KCNQ1OT1: variants seen among roughly 807,000 people sequenced by gnomAD.
KCNQ1OT1 encodes the protein KCNQ1 antisense RNA 2 (non-protein coding).
In KCNQ1OT1 at chr11:2,612,553, GTTA is replaced by G. The variant is rs1388825054; in HGVS notation, n.87439_87441del. ...CCGCACTAGTGAGTTTTTCACCTAAGTTATTATATTTCACAACTACAGAATTTC... is the reference window on the plus strand; with the variant it reads ...CCGCACTAGTGAGTTTTTCACCTAAGTTATATTTCACAACTACAGAATTTC... On this transcript the variant is annotated non_coding_transcript_exon_variant, in exon 1 of 1. Transcript: ENST00000597346. The surrounding 1 kb of genome is among the most constrained non-coding windows in gnomAD (Gnocchi z 5.5). The G allele has an allele frequency of 1.3e-5, 5 of 398,534 alleles. No individual in the cohort carries two copies. The highest frequency in any genetic ancestry group is 2.1e-5 in the African/African-American group (1 of 48,748). The allele number at this position is 398,534 out of a possible 1,614,324, so 24.7% of individuals were successfully genotyped here.
chr11:2,690,501 T>C lies in KCNQ1OT1; in HGVS notation n.9494A>G. The C allele has an allele frequency of 2.5e-6, 1 of 398,064 alleles. No individual in the cohort carries two copies. Among genetic ancestry groups the C allele is most frequent in the Non-Finnish European group, 4.4e-6 (1 of 225,940 alleles). 24.7% of individuals were successfully genotyped at this position (398,064 alleles called of 1,614,324 possible). On this transcript the variant is annotated non_coding_transcript_exon_variant, in exon 1 of 1. Transcript: ENST00000597346. The surrounding 1 kb of genome is among the most constrained non-coding windows in gnomAD (Gnocchi z 5.1). ...CAGCCACTGGGCCCAGTCGGGGGGG[T>C]CTCAGCACCTATCACAAAGAAAGTG... is the stretch of plus-strand genomic sequence containing the variant.
rs775006096 is a variant in KCNQ1OT1, at chr11:2,627,901, C to T, written n.72094G>A. The T allele has an allele frequency of 5.0e-6, 2 of 398,482 alleles. No homozygotes were observed. Among genetic ancestry groups the T allele is most frequent in the Non-Finnish European group, 8.8e-6 (2 of 226,126 alleles). 24.7% of individuals were successfully genotyped at this position (398,482 alleles called of 1,614,324 possible). On this transcript the variant is annotated non_coding_transcript_exon_variant, in exon 1 of 1. Transcript: ENST00000597346. This position sits in a 1 kb window ranked among gnomAD's most constrained non-coding sequence, Gnocchi z 4.9. ...GAGTAGCTGGGACCACAGTCATGCACCCCCATGCCCAGCTAATTTTTAAAA... is the reference window on the plus strand; with the variant it reads ...GAGTAGCTGGGACCACAGTCATGCATCCCCATGCCCAGCTAATTTTTAAAA...
chr11:2,637,148 A>C (rs554155518), exon 1 of KCNQ1OT1: 2 of 152,036 alleles, frequency 1.3e-5, no homozygotes, highest in East Asian at 3.9e-4. Flanking sequence ...GGATTCATTG[A>C]TTTTTTGAAG....
exon 1 of KCNQ1OT1, chr11:2,655,491 A>G (rs1018941666): frequency 2.5e-6 from 1 of 398,650 alleles, no homozygotes; most frequent in Non-Finnish European, 4.4e-6. Context: ...GAGCCTGGAT[A>G]TCCAGATGAA....
chr11:2,688,316 G>T (rs1564858639), exon 1 of KCNQ1OT1: 1 of 398,768 alleles, frequency 2.5e-6, no homozygotes, highest in East Asian at 3.6e-5. Context: ...ATCTAAGCAC[G>T]TCACACACAC....
chr11:2,646,452 A>G (rs976411604), exon 1 of KCNQ1OT1: 9 of 398,374 alleles, frequency 2.3e-5, no homozygotes, highest in Admixed American at 4.4e-5. Flanking sequence ...TTTTGTAGCT[A>G]TTGCAAATGG....
At chr11:2,639,385 G>T (rs555348228) in exon 1 of KCNQ1OT1, 23 of 152,210 alleles carry the variant, frequency 1.5e-4, no homozygotes, top group African/African-American at 5.3e-4. Context: ...TATAGATGGA[G>T]TTTTGGTGTG....
chr11:2,681,491 C>G, exon 1 of KCNQ1OT1: 1 of 398,474 alleles, frequency 2.5e-6, no homozygotes, highest in East Asian at 3.6e-5. Flanking sequence ...AGAAATGGGA[C>G]TTAGTAAAGT....
chr11:2,623,001 C>A lies in KCNQ1OT1; in HGVS notation n.76994G>T. The A allele has an allele frequency of 2.5e-6, 1 of 398,654 alleles. No individual in the cohort carries two copies. The highest frequency in any genetic ancestry group is 3.6e-5 in the East Asian group (1 of 28,080). 24.7% of individuals were successfully genotyped at this position (398,654 alleles called of 1,614,324 possible). On this transcript the variant is annotated non_coding_transcript_exon_variant, in exon 1 of 1. Transcript: ENST00000597346. This position sits in a 1 kb window ranked among gnomAD's most constrained non-coding sequence, Gnocchi z 5.2. ...CTCTGTGTTCCCACCCAAATCTCAT[C>A]TTGAACTGTAATCCCCATGTGTCAG...
exon 1 of KCNQ1OT1, chr11:2,655,225 C>G (rs1182766762): frequency 7.5e-6 from 3 of 398,476 alleles, no homozygotes; most frequent in Non-Finnish European, 1.3e-5. Flanking sequence ...GTCGCCACGC[C>G]CGAGGCTGCC....
At chr11:2,686,224 C>T (rs905654981) in exon 1 of KCNQ1OT1, 1 of 398,778 alleles carries the variant, frequency 2.5e-6, no homozygotes. Context: ...GCTGTGTGAC[C>T]TTTAGGCCTT....
chr11:2,619,619 T>C, exon 1 of KCNQ1OT1: 1 of 398,572 alleles, frequency 2.5e-6, no homozygotes, highest in Non-Finnish European at 4.4e-6. Context: ...TGTTGGCCTG[T>C]AGTTTCCTTT....
In KCNQ1OT1 at chr11:2,629,792, G is replaced by C. The variant is rs1229225257; in HGVS notation, n.70203C>G. On this transcript the variant is annotated non_coding_transcript_exon_variant, in exon 1 of 1. Coordinates refer to ENST00000597346, the Ensembl canonical transcript of KCNQ1OT1. ...TGATTTTGTATCCTGCCACTTTACT[G>C]AGTTAGATTATTACTTCTAACAGGT... 1.5e-5 allele frequency: 6 copies of C among 398,290 alleles called. No individual in the cohort carries two copies. In the East Asian group the frequency reaches 1.8e-4, roughly 12 times the overall value. 24.7% of individuals were successfully genotyped at this position (398,290 alleles called of 1,614,324 possible).
rs1850720343 is a variant in KCNQ1OT1, at chr11:2,698,760, T to C, written n.1235A>G. 1 of 398,758 alleles carries C rather than the reference T, an allele frequency of 2.5e-6. No individual in the cohort carries two copies. Among genetic ancestry groups the C allele is most frequent in the Non-Finnish European group, 4.4e-6 (1 of 226,148 alleles). The allele number at this position is 398,758 out of a possible 1,614,324, so 24.7% of individuals were successfully genotyped here. A position where few individuals can be genotyped will look rare whatever the true frequency, so the allele number is the denominator to read the frequency against. ...CTTGGATCTCAACTCAGAGCCATGATGCAGACTCCAGACCGGGATTCAGGT... is the reference window on the plus strand; with the variant it reads ...CTTGGATCTCAACTCAGAGCCATGACGCAGACTCCAGACCGGGATTCAGGT... On this transcript the variant is annotated non_coding_transcript_exon_variant, in exon 1 of 1. Coordinates refer to ENST00000597346, the Ensembl canonical transcript of KCNQ1OT1. The surrounding 1 kb of genome is among the most constrained non-coding windows in gnomAD (Gnocchi z 5.1).
In KCNQ1OT1 at chr11:2,620,943, G is replaced by C. The variant is rs1010427544; in HGVS notation, n.79052C>G. The C allele has an allele frequency of 3.3e-6, 1 of 306,666 alleles. No homozygotes were observed. The highest frequency in any genetic ancestry group is 4.2e-5 in the African/African-American group (1 of 24,068). The allele number at this position is 306,666 out of a possible 1,614,324, so 19.0% of individuals were successfully genotyped here. ...GGTGTTTTTTTGTTGTTGTTGTTTT[G>C]TTTTGTTTTTTTTTGTCTGTTTTTT... On this transcript the variant is annotated non_coding_transcript_exon_variant, in exon 1 of 1. Transcript: ENST00000597346. This position sits in a 1 kb window ranked among gnomAD's most constrained non-coding sequence, Gnocchi z 4.5.
rs1849814384 is a variant in KCNQ1OT1, at chr11:2,654,805, A to C, written n.45190T>G. 2.5e-6 allele frequency: 1 copy of C among 398,538 alleles called. No homozygotes were observed. The highest frequency in any genetic ancestry group is 4.4e-6 in the Non-Finnish European group (1 of 226,156). 24.7% of individuals were successfully genotyped at this position (398,538 alleles called of 1,614,324 possible). A position where few individuals can be genotyped will look rare whatever the true frequency, so the allele number is the denominator to read the frequency against. On this transcript the variant is annotated non_coding_transcript_exon_variant, in exon 1 of 1. Coordinates refer to ENST00000597346, the Ensembl canonical transcript of KCNQ1OT1. The surrounding 1 kb of genome is among the most constrained non-coding windows in gnomAD (Gnocchi z 6.4). ...GAATTTCTTGGGAACAGAAAGCCTC[A>C]AAGACTTTCATGATAGGAGAGCTCT...
At position 2,623,179 on chromosome 11, in the gene KCNQ1OT1, T is replaced by C. The variant is rs1291796484; in HGVS notation, n.76816A>G. The C allele has an allele frequency of 5.0e-6, 2 of 398,610 alleles. No homozygotes were observed. Among genetic ancestry groups the C allele is most frequent in the Non-Finnish European group, 8.8e-6 (2 of 226,182 alleles). The allele number at this position is 398,610 out of a possible 1,614,324, so 24.7% of individuals were successfully genotyped here. The stretch of plus-strand genomic sequence containing the variant: ...ATGGTAAAGATGTGCCTGCTTCTCC[T>C]TTGCCTTCCGCCATGATTTTAAGTT... On this transcript the variant is annotated non_coding_transcript_exon_variant, in exon 1 of 1. Transcript: ENST00000597346. The surrounding 1 kb of genome is among the most constrained non-coding windows in gnomAD (Gnocchi z 5.2).
chr11:2,629,844 C>T (rs1589991598), exon 1 of KCNQ1OT1: 2 of 397,688 alleles, frequency 5.0e-6, no homozygotes, highest in African/African-American at 4.1e-5. Flanking sequence ...GTAGCATTTT[C>T]TACATATATG....
Position 2,674,055 on chromosome 11 carries a change from C to T in KCNQ1OT1, n.25940G>A, listed in dbSNP as rs1017162436. ...GGGTGCAGCCCCTCATTTGTACTTG[C>T]TGGCTGCCCCATGGGGGCTTGGGCT... On this transcript the variant is annotated non_coding_transcript_exon_variant, in exon 1 of 1. Coordinates refer to ENST00000597346, the Ensembl canonical transcript of KCNQ1OT1. The surrounding 1 kb of genome is among the most constrained non-coding windows in gnomAD (Gnocchi z 5.9). The T allele has an allele frequency of 1.0e-5, 4 of 398,506 alleles. No individual in the cohort carries two copies. Among genetic ancestry groups the T allele is most frequent in the African/African-American group, 8.2e-5 (4 of 48,602 alleles). The allele number at this position is 398,506 out of a possible 1,614,324, so 24.7% of individuals were successfully genotyped here.
Sources: gnomAD v4.1 joint callset for allele counts on GRCh38, gnomAD v4.1.1 for gene constraint, Gnocchi (gnomAD v3.1) non-coding constraint, MANE v1.5 for transcripts, NCBI Gene and HGNC (gene_info 2026-07-23, HGNC 2026-07-21) for gene names.